Variants in DDHD1 observed in about 807,000 individuals in gnomAD.
The protein encoded by DDHD1 is phospholipase DDHD1.
A neutral mutation model predicts 96.4 loss-of-function variants in DDHD1; 49 were observed. The ratio of observed to expected loss-of-function variants is 0.51; its 90% CI spans 0.40 to 0.64. DDHD1 has a LOEUF of 0.64. DDHD1 is among the 30% of genes least tolerant of loss of function. The probability of loss-of-function intolerance (pLI) is 0.00; values close to 1 mark genes in which losing one functional copy is unlikely to be tolerated. For synonymous variants in DDHD1, 442 were observed against 446.5 expected (o/e 0.99, Z 0.13); for missense variants, 1,106 against 1,161.2 (o/e 0.95, Z 0.69).
At chr14:53,110,970 A>C (rs976028442) in intron 1 of DDHD1, among the ~76,000 whole-genome samples, 4 of 152,230 alleles carry the variant, frequency 2.6e-5, no homozygotes, top group African/African-American at 9.6e-5. Flanking sequence ...TGACACAGCG[A>C]GAGTCCGTCT....
At chr14:53,141,626 A>T (rs1890646328) in intron 1 of DDHD1, among the ~76,000 whole-genome samples, 1 of 152,206 alleles carries the variant, frequency 6.6e-6, no homozygotes, top group Admixed American at 6.5e-5. Context: ...AGACTACAGA[A>T]TCCAACAGAG....
At chr14:53,096,023 A>G in intron 2 of DDHD1, 1 of 599,640 alleles carries the variant, frequency 1.7e-6, no homozygotes, top group Non-Finnish European at 2.1e-6. Flanking sequence ...GGACACATTT[A>G]AAAAAAACTA....
chr14:53,053,827 T>G (rs916059041), intron 11 of DDHD1: 2 of 152,312 alleles, frequency 1.3e-5, no homozygotes, highest in African/African-American at 2.4e-5. Context: ...TGTATTCGTG[T>G]TTCACAACTA....
chr14:53,099,204 G>T (rs1042025997), intron 2 of DDHD1, among the ~76,000 whole-genome samples: 9 of 152,076 alleles, frequency 5.9e-5, no homozygotes, highest in African/African-American at 2.2e-4. Flanking sequence ...AGGGAGCTAT[G>T]ACATATCCTT....
chr14:53,147,523 G>A (rs1891080470), intron 1 of DDHD1, among the ~76,000 whole-genome samples: 1 of 152,182 alleles, frequency 6.6e-6, no homozygotes, highest in African/African-American at 2.4e-5. Context: ...CAAAGGGAAA[G>A]AGAAGCCCCA....
chr14:53,063,246 C>A, intron 6 of DDHD1, 41 bp from the exon 7 acceptor site: 1 of 1,592,542 alleles, frequency 6.3e-7, no homozygotes. Context: ...AGACTTGTCA[C>A]TGACTACTAT....
intron 1 of DDHD1, among the ~76,000 whole-genome samples, chr14:53,125,850 C>A (rs1042307912): frequency 6.6e-6 from 1 of 152,042 alleles, no homozygotes; most frequent in African/African-American, 2.4e-5. Flanking sequence ...TACAGGTACC[C>A]ACTACCATGC....
chr14:53,072,018 G>A (rs1443189588), intron 6 of DDHD1, among the ~76,000 whole-genome samples: 2 of 152,038 alleles, frequency 1.3e-5, no homozygotes, highest in African/African-American at 4.8e-5. Context: ...CTACTTCACA[G>A]GATTTTTTAA....
chr14:53,056,189 T>C (rs907141962), intron 9 of DDHD1, among the ~76,000 whole-genome samples: 1 of 152,212 alleles, frequency 6.6e-6, no homozygotes, highest in African/African-American at 2.4e-5. Context: ...AACAATTAGA[T>C]TTATTTTAGT....
chr14:53,091,890 T>G lies in DDHD1; in HGVS notation c.1184A>C (p.Glu395Ala). Residue 395 changes from glutamate to alanine, a missense_variant, in exon 4 of 13, where the codon GAA (glutamate) becomes GCA (alanine). By Grantham distance (107) the Glu-to-Ala change is moderately radical. This residue lies in a region of DDHD1 where 650 missense variants were observed against 758.8 expected (regional missense o/e 0.86). Transcript: ENST00000673822. The stretch of plus-strand genomic sequence containing the variant: ...TGATGGCTTGTCTTCTAATGTGGCT[T>G]CTTCTACATAACCTCTATGAAGTCT... Reference protein sequence around the residue: ...GTRLHRGYVEEATLEDKPSQT... With the variant: ...GTRLHRGYVEAATLEDKPSQT... 1.9e-6 allele frequency: 3 copies of G among 1,613,634 alleles called. No homozygotes were observed. The highest frequency in any genetic ancestry group is 2.5e-6 in the Non-Finnish European group (3 of 1,179,690).
At chr14:53,134,803 G>A (rs113888143) in intron 1 of DDHD1, among the ~76,000 whole-genome samples, 1 of 152,150 alleles carries the variant, frequency 6.6e-6, no homozygotes, top group Admixed American at 6.5e-5. Context: ...TTTAATACCT[G>A]TTTTCCTCTT....
chr14:53,107,434 GGCAGGATGGA>G (rs1887769623), intron 1 of DDHD1, among the ~76,000 whole-genome samples: 1 of 152,064 alleles, frequency 6.6e-6, no homozygotes, highest in Non-Finnish European at 1.5e-5. Flanking sequence ...TCCCATCCTG[GGCAGGATGGA>G]GCAGGATGGC....
intron 12 of DDHD1, among the ~76,000 whole-genome samples, chr14:53,047,698 A>G (rs1882143688): frequency 1.3e-5 from 2 of 152,212 alleles, no homozygotes; most frequent in Admixed American, 1.3e-4. Flanking sequence ...GAATTCAATC[A>G]AGTATTTTCT....
At position 53,118,581 on chromosome 14, in the gene DDHD1, A is replaced by G. The variant is rs556888304; in HGVS notation, c.839-14725T>C. Among the ~76,000 whole-genome samples, 60 of 152,342 alleles carry G rather than the reference A, an allele frequency of 3.9e-4. 1 individual carries two copies. The highest frequency in any genetic ancestry group is 1.3e-3 in the African/African-American group (55 of 41,590). On this transcript the variant is annotated intron_variant, in intron 1 of 12. Transcript: ENST00000673822. ...ATATCAGTGACTGAAGATCAAATTA[A>G]TGAAATAAAACAAGAAGAGAAGTTT...
At chr14:53,082,069 G>C (rs73294039) in intron 4 of DDHD1, among the ~76,000 whole-genome samples, 4,782 of 152,154 alleles carry the variant, frequency 0.031, 249 homozygotes, top group African/African-American at 0.11. Context: ...GGGAGATAGA[G>C]AAAATGAGAA....
rs1018701485 is a variant in DDHD1 at position 53,052,012 on chromosome 14, A to T, written c.2438-85T>A. On this transcript the variant is annotated intron_variant, in intron 11 of 12. Coordinates refer to ENST00000673822, the MANE Select transcript of DDHD1 (RefSeq NM_001160148.2). ...AATGATGTAGTGGCCAAAAGTTAGA[A>T]CAATACTCCCAAATAAACTGACTAA... is the stretch of plus-strand genomic sequence containing the variant. 3 of 912,382 alleles carry T rather than the reference A, an allele frequency of 3.3e-6. No homozygotes were observed. The African/African-American group carries it at 5.0e-5, about 15-fold the overall frequency. 56.5% of individuals were successfully genotyped at this position (912,382 alleles called of 1,614,324 possible). A position where few individuals can be genotyped will look rare whatever the true frequency, so the allele number is the denominator to read the frequency against.
chr14:53,142,200 A>C (rs771863041), intron 1 of DDHD1, among the ~76,000 whole-genome samples: 2 of 152,258 alleles, frequency 1.3e-5, no homozygotes, highest in African/African-American at 2.4e-5. Context: ...AGGGAATTTG[A>C]CAACAAAGAT....
chr14:53,106,798 A>C (rs555522824), intron 1 of DDHD1, among the ~76,000 whole-genome samples: 1 of 152,172 alleles, frequency 6.6e-6, no homozygotes, highest in Non-Finnish European at 1.5e-5. Context: ...TTCTGTATTA[A>C]TCTGTCCATG....
chr14:53,127,359 T>A (rs2139823602), intron 1 of DDHD1, among the ~76,000 whole-genome samples: 1 of 152,350 alleles, frequency 6.6e-6, no homozygotes, highest in African/African-American at 2.4e-5. Context: ...AAATTCCAGT[T>A]CACCCCTTAA....
Sources: allele counts gnomAD v4.1 joint callset (sites outside exome capture counted in the v4.1 genomes callset), GRCh38; gene constraint gnomAD v4.1.1; regional missense constraint gnomAD v4.1.1; transcripts MANE v1.5; gene names NCBI Gene and HGNC (gene_info 2026-07-23, HGNC 2026-07-21).